MEGF9: variants seen among roughly 807,000 people sequenced by gnomAD.
The protein encoded by MEGF9 is multiple epidermal growth factor-like domains protein 9.
Under a neutral mutation model 46.8 loss-of-function variants are expected in MEGF9, and 6 were observed. The ratio of observed to expected loss-of-function variants is 0.13; its 90% CI spans 0.07 to 0.25. The LOEUF (loss-of-function observed/expected upper bound fraction) is 0.25, where lower values mean the gene tolerates loss of function less well. MEGF9 is among the 10% of genes least tolerant of loss of function. The pLI, the probability that MEGF9 is intolerant of heterozygous loss-of-function variation, is 1.00. For missense variants in MEGF9, 683 were observed against 792.4 expected, an observed-to-expected ratio of 0.86 and a Z score of 1.66; for synonymous variants, 302 against 330.7, an observed-to-expected ratio of 0.91 and a Z score of 0.94.
chr9:120,685,011 T>C (rs773452298), intron 1 of MEGF9, among the ~76,000 whole-genome samples: 4 of 152,128 alleles, frequency 2.6e-5, no homozygotes, highest in South Asian at 2.1e-4. Flanking sequence ...ATTTTTTGTA[T>C]TTTTAGTAGA....
Position 120,604,993 on chromosome 9 carries a change from G to A in MEGF9, c.*197C>T. On this transcript the variant is annotated 3_prime_UTR_variant, in exon 6 of 6. Transcript: ENST00000373930. The stretch of plus-strand genomic sequence containing the variant: ...TACTTTACTTCAAGTCCTAATGACA[G>A]TGAACGCTTCAGATCTTCATGGGAA... 1 of 603,330 alleles carries A rather than the reference G, an allele frequency of 1.7e-6. No homozygotes were observed. Among genetic ancestry groups the A allele is most frequent in the Non-Finnish European group, 2.9e-6 (1 of 346,338 alleles). 37.4% of individuals were successfully genotyped at this position (603,330 alleles called of 1,614,324 possible).
chr9:120,701,579 A>C (rs2043905183), intron 1 of MEGF9, among the ~76,000 whole-genome samples: 1 of 152,216 alleles, frequency 6.6e-6, no homozygotes, highest in South Asian at 2.1e-4. Context: ...TAATTGGAAA[A>C]CATATGGACA....
intron 2 of MEGF9, among the ~76,000 whole-genome samples, chr9:120,649,443 C>G (rs574850981): frequency 1.3e-5 from 2 of 152,270 alleles, no homozygotes; most frequent in South Asian, 2.1e-4. Flanking sequence ...GCATGTCAGG[C>G]TAACTGGCAA....
intron 1 of MEGF9, among the ~76,000 whole-genome samples, chr9:120,667,552 C>T (rs1158313541): frequency 6.6e-6 from 1 of 152,046 alleles, no homozygotes; most frequent in African/African-American, 2.4e-5. Flanking sequence ...GTAAATATAA[C>T]TTTCAATCTA....
intron 2 of MEGF9, among the ~76,000 whole-genome samples, chr9:120,634,558 C>A (rs2043565914): frequency 7.6e-6 from 1 of 132,316 alleles, no homozygotes; most frequent in Non-Finnish European, 1.5e-5. Flanking sequence ...GGGGTTCACG[C>A]CATTCTCCTG....
At chr9:120,624,805 G>A (rs1344908624) in intron 2 of MEGF9, among the ~76,000 whole-genome samples, 3 of 151,182 alleles carry the variant, frequency 2.0e-5, no homozygotes, top group Non-Finnish European at 4.4e-5. Flanking sequence ...CCCAGAAGAC[G>A]GAGGGTGCAG....
chr9:120,708,258 G>A (rs1021023442), intron 1 of MEGF9, among the ~76,000 whole-genome samples: 20 of 152,072 alleles, frequency 1.3e-4, no homozygotes, highest in African/African-American at 3.6e-4. Flanking sequence ...CCAGTTACTC[G>A]GGAGGCTGAG....
At chr9:120,700,107 G>A (rs2043897415) in intron 1 of MEGF9, among the ~76,000 whole-genome samples, 1 of 152,166 alleles carries the variant, frequency 6.6e-6, no homozygotes, top group Non-Finnish European at 1.5e-5. Context: ...AAAGCCCAAA[G>A]TAGTTTACAT....
chr9:120,698,586 CG>C (rs2043889414), intron 1 of MEGF9, among the ~76,000 whole-genome samples: 1 of 152,158 alleles, frequency 6.6e-6, no homozygotes, highest in Non-Finnish European at 1.5e-5. Context: ...GATTATATGA[CG>C]GAAGTTGGTA....
At chr9:120,628,465 GTT>G (rs2043535674) in intron 2 of MEGF9, among the ~76,000 whole-genome samples, 1 of 52,756 alleles carries the variant, frequency 1.9e-5, no homozygotes, top group African/African-American at 5.5e-5. Context: ...AATTCTTGTC[GTT>G]GTTTTTTTTT....
At chr9:120,690,044 C>T (rs750635873) in intron 1 of MEGF9, 1 of 495,412 alleles carries the variant, frequency 2.0e-6, no homozygotes, top group Non-Finnish European at 4.2e-6. Flanking sequence ...AATGGGTCTG[C>T]CCACTCAGAT....
intron 1 of MEGF9, among the ~76,000 whole-genome samples, chr9:120,665,183 C>T (rs1009743478): frequency 6.6e-6 from 1 of 150,898 alleles, no homozygotes; most frequent in Admixed American, 6.7e-5. Flanking sequence ...ACCTACCCTT[C>T]ATGGCTTCTA....
At chr9:120,623,667 G>A (rs1313268625) in intron 2 of MEGF9, among the ~76,000 whole-genome samples, 4 of 152,022 alleles carry the variant, frequency 2.6e-5, no homozygotes, top group South Asian at 2.1e-4. Context: ...ACACATATAC[G>A]GTCTTACACA....
intron 1 of MEGF9, among the ~76,000 whole-genome samples, chr9:120,664,162 T>C (rs1241624613): frequency 6.6e-6 from 1 of 152,136 alleles, no homozygotes; most frequent in Non-Finnish European, 1.5e-5. Flanking sequence ...TAAGAGATTA[T>C]TTACTTGAAC....
chr9:120,697,290 C>T (rs957223204), intron 1 of MEGF9, among the ~76,000 whole-genome samples: 1 of 152,140 alleles, frequency 6.6e-6, no homozygotes, highest in African/African-American at 2.4e-5. Context: ...ATCATGTTGC[C>T]CAGGCGGGTC....
At chr9:120,685,156 C>G (rs939612099) in intron 1 of MEGF9, among the ~76,000 whole-genome samples, 1 of 152,168 alleles carries the variant, frequency 6.6e-6, no homozygotes, top group African/African-American at 2.4e-5. Context: ...TTTTTAAATG[C>G]GATTTTGGAA....
chr9:120,698,101 G>T (rs571928056), intron 1 of MEGF9, among the ~76,000 whole-genome samples: 2 of 152,176 alleles, frequency 1.3e-5, no homozygotes, highest in Non-Finnish European at 1.5e-5. Flanking sequence ...AGCCCAGGAA[G>T]ATTATGTGAC....
chr9:120,712,486 A>G (rs528444350), intron 1 of MEGF9, among the ~76,000 whole-genome samples: 9 of 152,242 alleles, frequency 5.9e-5, no homozygotes, highest in East Asian at 3.9e-4. Context: ...TAATATGTCA[A>G]TCTCTCTATA....
chr9:120,714,311 G>T lies in MEGF9; in HGVS notation c.48C>A (p.Gly16=). The change falls in exon 1 of 6, where the codon GGC becomes GGA. Residue 16 remains glycine (G), a synonymous_variant. Coordinates refer to ENST00000373930, the MANE Select transcript of MEGF9 (RefSeq NM_001080497.3). ...ERAMRSLPSL[G]GLALLCCAAA... Reference sequence around the variant, plus strand: ...CGGCGCAGCACAACAGGGCGAGGCCGCCCAGGCTCGGCAGGCTCCTCATGG... The same window carrying T: ...CGGCGCAGCACAACAGGGCGAGGCCTCCCAGGCTCGGCAGGCTCCTCATGG... The T allele has an allele frequency of 7.5e-7, 1 of 1,330,338 alleles. No individual in the cohort carries two copies. The highest frequency in any genetic ancestry group is 1.8e-5 in the South Asian group (1 of 54,716). The allele number at this position is 1,330,338 out of a possible 1,614,324, so 82.4% of individuals were successfully genotyped here. A position where few individuals can be genotyped will look rare whatever the true frequency, so the allele number is the denominator to read the frequency against.
Sources: gnomAD v4.1 joint callset for allele counts (sites outside exome capture counted in the v4.1 genomes callset) on GRCh38, gnomAD v4.1.1 for gene constraint, MANE v1.5 for transcripts, NCBI Gene and HGNC (gene_info 2026-07-23, HGNC 2026-07-21) for gene names.